Variants in MYO18A observed in about 807,000 individuals in gnomAD.
The protein encoded by MYO18A is myosin XVIIIA, also known as unconventional myosin-XVIIIa.
In MYO18A, 78 loss-of-function variants were observed where a neutral mutation model predicts 235.8. The ratio of observed to expected loss-of-function variants is 0.33; its 90% CI spans 0.28 to 0.40. The LOEUF (loss-of-function observed/expected upper bound fraction) is 0.40. Among genes scored for constraint, MYO18A ranks in the 10% least tolerant of loss-of-function variants. The pLI is 1.00. For synonymous variants in MYO18A, 977 were observed against 1,077.8 expected, an observed-to-expected ratio of 0.91 and a Z score of 1.83; for missense variants, 2,215 against 2,699.3, an observed-to-expected ratio of 0.82 and a Z score of 3.98.
rs948076750 is a variant in MYO18A, at chr17:29,128,127, G to A, written c.1000-5874C>T. 2.1e-5 allele frequency: 23 copies of A among 1,069,892 alleles called. No individual in the cohort carries two copies. In the African/African-American group the frequency reaches 3.3e-4, roughly 15 times the overall value. The allele number at this position is 1,069,892 out of a possible 1,614,324, so 66.3% of individuals were successfully genotyped here. A position where few individuals can be genotyped will look rare whatever the true frequency, so the allele number is the denominator to read the frequency against. On this transcript the variant is annotated intron_variant, in intron 2 of 41. Transcript: ENST00000527372. ...CCCCTGCCCCGAGACATCAGGCTCC[G>A]CAGGCCCAGGGAGAGCTCATCCTTG... is the stretch of plus-strand genomic sequence containing the variant.
rs558709435 is a variant in MYO18A at position 29,150,687 on chromosome 17, T to A, written c.999+15255A>T. On this transcript the variant is annotated intron_variant, in intron 2 of 41. Coordinates refer to ENST00000527372, the MANE Select transcript of MYO18A (RefSeq NM_078471.4). ...GCTATTCAAATTGAAGCTGGCCGGG[T>A]GTTATGGCTCATGCCCATAATCCCA... 2.0e-5 allele frequency among the ~76,000 whole-genome samples: 3 copies of A among 152,312 alleles called. No homozygotes were observed. The South Asian group carries it at 6.2e-4, about 32-fold the overall frequency.
rs1018276539 is a variant in MYO18A, at chr17:29,122,198, A to G, written c.1055T>C (p.Val352Ala). 1.9e-6 allele frequency: 3 copies of G among 1,613,386 alleles called. No individual in the cohort carries two copies. The highest frequency in any genetic ancestry group is 2.5e-6 in the Non-Finnish European group (3 of 1,179,688). ...GAAGCCGTCCCTATGGACCAGCCAC[A>G]CCTTCTCCGTCTCATTCCAGGCCTC... ...AEEAWNETEKVWLVHRDGFSL... is the reference protein window; with the variant it reads ...AEEAWNETEKAWLVHRDGFSL... Residue 352 changes from valine to alanine, a missense_variant, in exon 3 of 42, where the codon GTG becomes GCG. Transcript: ENST00000527372.
chr17:29,113,119 G>A (rs1040750646), intron 15 of MYO18A, among the ~76,000 whole-genome samples: 2 of 152,188 alleles, frequency 1.3e-5, no homozygotes, highest in African/African-American at 4.8e-5. Flanking sequence ...GCCACCATAG[G>A]AGCCCAGGTG....
At chr17:29,095,449 C>T (rs1373357003) in intron 28 of MYO18A, among the ~76,000 whole-genome samples, 1 of 152,256 alleles carries the variant, frequency 6.6e-6, no homozygotes, top group Non-Finnish European at 1.5e-5. Flanking sequence ...CACTAACTCA[C>T]TTTCCACAGT....
Position 29,096,758 on chromosome 17 carries a change from C to A in MYO18A, c.4385+3G>T. The A allele has an allele frequency of 6.3e-7, 1 of 1,595,166 alleles. No homozygotes were observed. The highest frequency in any genetic ancestry group is 1.1e-5 in the South Asian group (1 of 87,734). ...CTGGGCCCAGGGCAGGGGGCCCACC[C>A]ACCTCCTCTGCTTCTTCTCCAGTTC... On this transcript the variant is annotated splice_donor_region_variant and intron_variant, in intron 28 of 41. Transcript: ENST00000527372.
chr17:29,081,086 G>A, intron 41 of MYO18A: 1 of 731,972 alleles, frequency 1.4e-6, no homozygotes, highest in Non-Finnish European at 1.7e-6. Flanking sequence ...AGAGAGAGAG[G>A]AACAAGTATT....
At chr17:29,127,639 C>T (rs2067354503) in intron 2 of MYO18A, among the ~76,000 whole-genome samples, 2 of 152,248 alleles carry the variant, frequency 1.3e-5, no homozygotes, top group African/African-American at 4.8e-5. Flanking sequence ...GTTTCCATCC[C>T]AGCCGCCAGG....
At chr17:29,134,857 G>T (rs958407288) in intron 2 of MYO18A, among the ~76,000 whole-genome samples, 5 of 152,010 alleles carry the variant, frequency 3.3e-5, no homozygotes, top group Non-Finnish European at 7.4e-5. Context: ...AACCAAAGTT[G>T]CAGGCCTGTG....
intron 18 of MYO18A, 60 bp from the exon 19 acceptor site, chr17:29,110,161 G>C: frequency 6.3e-7 from 1 of 1,575,912 alleles, no homozygotes; most frequent in South Asian, 1.1e-5. Context: ...AGAAGAGCAG[G>C]GACTGGTGCC....
chr17:29,175,513 G>A (rs1454170384), intron 1 of MYO18A, among the ~76,000 whole-genome samples: 1 of 151,286 alleles, frequency 6.6e-6, no homozygotes, highest in African/African-American at 2.4e-5. Flanking sequence ...ACAGGCACTC[G>A]CCACCACACC....
chr17:29,089,419 CAAAAAAAAAAAAAAA>C (rs56389977), intron 37 of MYO18A, among the ~76,000 whole-genome samples: 1 of 23,810 alleles, frequency 4.2e-5, no homozygotes, highest in African/African-American at 1.5e-4. Flanking sequence ...GACTCTGTCT[CAAAAAAAAAAAAAAA>C]AAAAAAAAAA....
chr17:29,140,620 G>A lies in MYO18A; in HGVS notation c.1000-18367C>T, dbSNP rs1055613362. On this transcript the variant is annotated intron_variant, in intron 2 of 41. Coordinates refer to ENST00000527372, the MANE Select transcript of MYO18A (RefSeq NM_078471.4). The surrounding 1 kb of genome is among the most constrained non-coding windows in gnomAD (Gnocchi z 4.2). The stretch of plus-strand genomic sequence containing the variant: ...GCCATTGGGGTGGGGGGCAGGCAGT[G>A]TTAGGGGGTTAGGGCAAGGACAGGG... The A allele has an allele frequency of 2.8e-5, 6 of 215,666 alleles. No homozygotes were observed. Among genetic ancestry groups the A allele is most frequent in the Non-Finnish European group, 5.8e-5 (6 of 102,920 alleles). 13.4% of individuals were successfully genotyped at this position (215,666 alleles called of 1,614,324 possible). A position where few individuals can be genotyped will look rare whatever the true frequency, so the allele number is the denominator to read the frequency against.
intron 2 of MYO18A, among the ~76,000 whole-genome samples, chr17:29,163,206 T>C (rs1279773136): frequency 6.6e-6 from 1 of 152,156 alleles, no homozygotes; most frequent in Non-Finnish European, 1.5e-5. Flanking sequence ...GGATTAGAAC[T>C]GCTGCCAAGA....
Position 29,111,286 on chromosome 17 carries a change from CT to C in MYO18A, c.2900+137del. 2.0e-6 allele frequency: 2 copies of C among 1,013,228 alleles called. No homozygotes were observed. Among genetic ancestry groups the C allele is most frequent in the South Asian group, 3.2e-5 (2 of 61,950 alleles). The allele number at this position is 1,013,228 out of a possible 1,614,324, so 62.8% of individuals were successfully genotyped here. A position where few individuals can be genotyped will look rare whatever the true frequency, so the allele number is the denominator to read the frequency against. ...CTCAAGCTCCTCAAGGCCAAGTGCC[CT>C]GGGCTGTTGCCTCTCAGGAATAAAG... On this transcript the variant is annotated intron_variant, in intron 17 of 41. Coordinates refer to ENST00000527372, the MANE Select transcript of MYO18A (RefSeq NM_078471.4). The surrounding 1 kb of genome is among the most constrained non-coding windows in gnomAD (Gnocchi z 5.1).
intron 2 of MYO18A, among the ~76,000 whole-genome samples, chr17:29,131,913 G>C (rs1046064059): frequency 4.6e-5 from 7 of 152,240 alleles, no homozygotes; most frequent in Admixed American, 3.3e-4. Context: ...AGCTTTTAGA[G>C]TAGAGTGAAG....
At position 29,094,968 on chromosome 17, in the gene MYO18A, C is replaced by A; in HGVS notation, c.4477G>T (p.Ala1493Ser). The change falls in exon 29 of 42, where the codon GCT becomes TCT. Residue 1493 changes from alanine (A) to serine (S), a missense_variant. Physicochemically the swap from Ala to Ser is moderately conservative, Grantham distance 99. Transcript: ENST00000527372. ...KLQREKDMLLAEAFSLKQQLE... is the reference protein window; with the variant it reads ...KLQREKDMLLSEAFSLKQQLE... ...TGCTGCTTCAGGCTGAAAGCCTCAG[C>A]GAGGAGCATGTCCTTCTCCCGCTGC... 2 of 1,608,394 alleles carry A rather than the reference C, an allele frequency of 1.2e-6. No homozygotes were observed. The highest frequency in any genetic ancestry group is 1.7e-6 in the Non-Finnish European group (2 of 1,176,546).
intron 38 of MYO18A, 61 bp downstream of exon 38, chr17:29,086,875 T>C (rs2152740279): frequency 6.5e-7 from 1 of 1,527,516 alleles, no homozygotes. Flanking sequence ...GAGTGAGGCA[T>C]ACACTCAGCA....
chr17:29,099,110 C>G, intron 22 of MYO18A, 141 bp from the exon 23 acceptor site: 1 of 1,077,386 alleles, frequency 9.3e-7, no homozygotes, highest in Non-Finnish European at 1.3e-6. Context: ...ACTTCTCATG[C>G]TCCCCCTTGC....
chr17:29,093,551 G>T, intron 31 of MYO18A, 124 bp from the exon 32 acceptor site: 2 of 727,696 alleles, frequency 2.7e-6, no homozygotes, highest in East Asian at 5.4e-5. Context: ...AATGATGTTG[G>T]TGGAGGGGTC....
Sources: gnomAD v4.1 joint callset for allele counts (sites outside exome capture counted in the v4.1 genomes callset) on GRCh38, gnomAD v4.1.1 for gene constraint, Gnocchi (gnomAD v3.1) non-coding constraint, MANE v1.5 for transcripts, NCBI Gene and HGNC (gene_info 2026-07-23, HGNC 2026-07-21) for gene names.